The following UBE2D2 variants were observed in gnomAD, a reference collection of about 807,000 sequenced individuals.
UBE2D2 encodes the protein ubiquitin-conjugating enzyme E2 D2.
Under a neutral mutation model 24.2 loss-of-function variants are expected in UBE2D2, and 2 were observed. The observed-to-expected ratio is 0.08, with a 90% CI of 0.03 to 0.26. The LOEUF (loss-of-function observed/expected upper bound fraction) is 0.26, where lower values mean the gene tolerates loss of function less well. UBE2D2 is among the 10% of genes least tolerant of loss of function. The pLI is 1.00. For missense variants in UBE2D2, 44 were observed against 177.6 expected (o/e 0.25, Z 4.28); for synonymous variants, 58 against 56.5 (o/e 1.03, Z -0.12).
chr5:139,594,918 C>T (rs531997286), intron 1 of UBE2D2, among the ~76,000 whole-genome samples: 4 of 152,308 alleles, frequency 2.6e-5, no homozygotes, highest in Non-Finnish European at 5.9e-5. Context: ...AACCTGTACA[C>T]ATCTTCCTGT....
rs1036163951 is a variant in UBE2D2, at chr5:139,615,963, G to A, written c.304+997G>A. Among the ~76,000 whole-genome samples, 3 of 146,032 alleles carry A rather than the reference G, an allele frequency of 2.1e-5. No individual in the cohort carries two copies. The Admixed American group carries it at 2.1e-4, about 10-fold the overall frequency. The stretch of plus-strand genomic sequence containing the variant: ...CAATTCTCCTGCCTCAGCCTCCCTT[G>A]TAGCTGGGATTACAGGCACCCGCCA... On this transcript the variant is annotated intron_variant, in intron 5 of 6. Coordinates refer to ENST00000398733, the MANE Select transcript of UBE2D2 (RefSeq NM_003339.3).
intron 1 of UBE2D2, among the ~76,000 whole-genome samples, chr5:139,549,212 C>T (rs1190689724): frequency 2.0e-5 from 3 of 152,136 alleles, no homozygotes; most frequent in South Asian, 2.1e-4. Flanking sequence ...TCATTCTGGG[C>T]GCCTCCTCGG....
intron 5 of UBE2D2, among the ~76,000 whole-genome samples, chr5:139,617,491 C>G (rs1754442782): frequency 6.6e-6 from 1 of 151,114 alleles, no homozygotes; most frequent in South Asian, 2.1e-4. Context: ...ATTCTCCTGC[C>G]TCAGCCTCCC....
At chr5:139,587,853 G>A (rs1475204394) in intron 1 of UBE2D2, among the ~76,000 whole-genome samples, 2 of 152,118 alleles carry the variant, frequency 1.3e-5, no homozygotes, top group African/African-American at 4.8e-5. Context: ...CTCTCAGGCA[G>A]TAGATGATTA....
intron 1 of UBE2D2, among the ~76,000 whole-genome samples, chr5:139,562,860 A>G (rs961569707): frequency 1.3e-5 from 2 of 152,050 alleles, no homozygotes; most frequent in African/African-American, 4.8e-5. Context: ...GTAGGGAGGC[A>G]CCACTATTAA....
At position 139,561,787 on chromosome 5, in the gene UBE2D2, C is replaced by T. The variant is rs1753104872; in HGVS notation, c.-5C>T. On this transcript the variant is annotated 5_prime_UTR_variant, in exon 1 of 7. Coordinates refer to ENST00000398733, the MANE Select transcript of UBE2D2 (RefSeq NM_003339.3). ...CCCGGGGGCCGCCGCCACCCGCCTC[C>T]CACCATGGCTCTGAAGAGAATCCAC... 2 of 1,504,052 alleles carry T rather than the reference C, an allele frequency of 1.3e-6. No individual in the cohort carries two copies. Among genetic ancestry groups the T allele is most frequent in the Non-Finnish European group, 8.8e-7 (1 of 1,133,956 alleles). The allele number at this position is 1,504,052 out of a possible 1,614,324, so 93.2% of individuals were successfully genotyped here. A position where few individuals can be genotyped will look rare whatever the true frequency, so the allele number is the denominator to read the frequency against.
At chr5:139,616,487 T>C (rs1754423513) in intron 5 of UBE2D2, among the ~76,000 whole-genome samples, 1 of 151,988 alleles carries the variant, frequency 6.6e-6, no homozygotes, top group Admixed American at 6.6e-5. Flanking sequence ...AGTACAAAAA[T>C]CAGAAAAAAA....
chr5:139,607,005 C>T (rs1010924014), intron 2 of UBE2D2, among the ~76,000 whole-genome samples: 3 of 152,152 alleles, frequency 2.0e-5, no homozygotes, highest in African/African-American at 7.2e-5. Context: ...GGTATTTCAC[C>T]ATGTTGGCCA....
upstream of UBE2D2, among the ~76,000 whole-genome samples, chr5:139,556,726 G>A (rs183045000): frequency 5.3e-5 from 8 of 151,884 alleles, no homozygotes; most frequent in East Asian, 1.5e-3. Context: ...AGGATATTAT[G>A]AGTAACTTTA....
At position 139,552,457 on chromosome 5, in the gene UBE2D2, C is replaced by T. The variant is rs186296321; in HGVS notation, c.-64+25845C>T. On this transcript the variant is annotated intron_variant, in intron 1 of 6. Coordinates refer to the UBE2D2 transcript ENST00000511725. ...TGTTGGGATTACATGCATGAACCAC[C>T]GTGCCCAGCCTCTAATAGCTAACTT... is the stretch of plus-strand genomic sequence containing the variant. Among the ~76,000 whole-genome samples the T allele has an allele frequency of 1.6e-4, 24 of 151,704 alleles. No individual in the cohort carries two copies. The East Asian group carries it at 4.3e-3, about 27-fold the overall frequency.
At chr5:139,578,282 T>G (rs1030106775) in intron 1 of UBE2D2, among the ~76,000 whole-genome samples, 1 of 152,228 alleles carries the variant, frequency 6.6e-6, no homozygotes, top group African/African-American at 2.4e-5. Context: ...GTACTATGTA[T>G]ACTTCCTAAT....
intron 1 of UBE2D2, among the ~76,000 whole-genome samples, chr5:139,550,988 G>A (rs543452450): frequency 2.1e-4 from 32 of 152,148 alleles, no homozygotes; most frequent in Non-Finnish European, 4.4e-4. Context: ...ACGGCTCTCA[G>A]CACCACTGAC....
At chr5:139,620,955 A>G (rs1375040763) in intron 5 of UBE2D2, among the ~76,000 whole-genome samples, 2 of 152,232 alleles carry the variant, frequency 1.3e-5, no homozygotes, top group Non-Finnish European at 2.9e-5. Context: ...TAAGTTAATG[A>G]TAGATATGGC....
intron 1 of UBE2D2, among the ~76,000 whole-genome samples, chr5:139,576,485 G>GA: frequency 6.6e-6 from 1 of 151,908 alleles, no homozygotes; most frequent in South Asian, 2.1e-4. Context: ...ACCCAAAGAT[G>GA]ATTTTTTTTT....
At chr5:139,531,625 C>CGAAAAAAAAA (rs1752597807) in intron 1 of UBE2D2, among the ~76,000 whole-genome samples, 1 of 97,354 alleles carries the variant, frequency 1.0e-5, no homozygotes, top group Admixed American at 1.1e-4. Context: ...AGACCCTATC[C>CGAAAAAAAAA]AAAAAAAAAA....
chr5:139,600,533 T>C (rs1754050802), intron 2 of UBE2D2, 98 bp downstream of exon 2: 3 of 1,227,022 alleles, frequency 2.4e-6, no homozygotes, highest in East Asian at 2.5e-5. Context: ...GTTTAACCCT[T>C]AGTGGCCCAT....
At chr5:139,610,553 A>G (rs79897638) in intron 2 of UBE2D2, among the ~76,000 whole-genome samples, 2 of 139,888 alleles carry the variant, frequency 1.4e-5, no homozygotes, top group Admixed American at 7.3e-5. Context: ...AAAAAAATAT[A>G]TTTTTTTTTT....
chr5:139,554,910 T>C (rs1400266174), intron 1 of UBE2D2: 4 of 152,354 alleles, frequency 2.6e-5, no homozygotes, highest in South Asian at 4.1e-4. Flanking sequence ...TTAAGGCTAG[T>C]CAGGTGAAGC....
At chr5:139,611,117 A>G (rs1754309304) in intron 2 of UBE2D2, among the ~76,000 whole-genome samples, 1 of 150,988 alleles carries the variant, frequency 6.6e-6, no homozygotes. Flanking sequence ...GAAGTTAGAG[A>G]TACAGTTCTC....
Sources: gnomAD v4.1 joint callset for allele counts (sites outside exome capture counted in the v4.1 genomes callset) on GRCh38, gnomAD v4.1.1 for gene constraint, MANE v1.5 for transcripts, NCBI Gene and HGNC (gene_info 2026-07-23, HGNC 2026-07-21) for gene names.